The following NELL1 variants were observed in gnomAD, a reference collection of about 807,000 sequenced individuals.
The protein encoded by NELL1 is protein kinase C-binding protein NELL1.
NELL1 carries 76 observed loss-of-function variants against 107.4 expected under a neutral mutation model. The ratio of observed to expected loss-of-function variants is 0.71; its 90% CI spans 0.59 to 0.86. NELL1 has a LOEUF of 0.86. NELL1 is among the 40% of genes least tolerant of loss of function. The probability of loss-of-function intolerance (pLI) is 0.00; values close to 1 mark genes in which losing one functional copy is unlikely to be tolerated. For missense variants in NELL1, 1,024 were observed against 1,005.5 expected, an observed-to-expected ratio of 1.02 and a Z score of -0.25; for synonymous variants, 353 against 341.2, an observed-to-expected ratio of 1.03 and a Z score of -0.38.
chr11:21,564,980 A>G (rs529177217), intron 17 of NELL1, among the ~76,000 whole-genome samples: 24 of 152,052 alleles, frequency 1.6e-4, no homozygotes, highest in African/African-American at 5.5e-4. Flanking sequence ...AGCAGTCAGC[A>G]TACTGGTTCT....
In NELL1 at chr11:20,783,281, G is replaced by A. The variant is rs75163013; in HGVS notation, c.185-399G>A. Among the ~76,000 whole-genome samples the A allele has an allele frequency of 5.7e-3, 864 of 152,234 alleles. 9 individuals carry two copies. The highest frequency in any genetic ancestry group is 0.02 in the African/African-American group (818 of 41,542). ...TCTGAATTTAGGACCACATTTATCC[G>A]ACTACCTCTCACCTTATTTACAGCA... On this transcript the variant is annotated intron_variant, in intron 2 of 19. Transcript: ENST00000357134.
At chr11:21,077,228 C>T (rs1168699818) in intron 12 of NELL1, among the ~76,000 whole-genome samples, 1 of 151,978 alleles carries the variant, frequency 6.6e-6, no homozygotes, top group East Asian at 1.9e-4. Flanking sequence ...CAATATTATT[C>T]TAAAGACATA....
intron 9 of NELL1, among the ~76,000 whole-genome samples, chr11:20,934,997 C>T (rs2134181728): frequency 6.6e-6 from 1 of 152,178 alleles, no homozygotes; most frequent in Non-Finnish European, 1.5e-5. Context: ...GTATTGAATG[C>T]CAGAAATAAC....
At chr11:20,802,641 TTC>T (rs1483301831) in intron 3 of NELL1, among the ~76,000 whole-genome samples, 1 of 152,222 alleles carries the variant, frequency 6.6e-6, no homozygotes, top group African/African-American at 2.4e-5. Flanking sequence ...CCTTCTCATG[TTC>T]CAGATACTGG....
intron 4 of NELL1, among the ~76,000 whole-genome samples, chr11:20,861,540 C>G (rs1046271216): frequency 2.0e-5 from 3 of 152,152 alleles, no homozygotes; most frequent in Admixed American, 2.0e-4. Flanking sequence ...GCCAAGAGCC[C>G]CTGCCCTTGA....
Position 20,978,329 on chromosome 11 carries a change from C to A in NELL1, c.1300+17769C>A, listed in dbSNP as rs536648267. Among the ~76,000 whole-genome samples the A allele has an allele frequency of 1.4e-4, 21 of 152,146 alleles. No homozygotes were observed. The South Asian group carries it at 3.9e-3, about 29-fold the overall frequency. ...CGAAGCTAGGTATTACTATTATTCC[C>A]ATAAAACCAAAGATCCAAGAGAATT... On this transcript the variant is annotated intron_variant, in intron 12 of 19. Transcript: ENST00000357134.
At chr11:21,096,132 T>G (rs1590631483) in intron 12 of NELL1, among the ~76,000 whole-genome samples, 1 of 152,198 alleles carries the variant, frequency 6.6e-6, no homozygotes, top group African/African-American at 2.4e-5. Context: ...CAGTTGCCTT[T>G]GCCCACTACC....
At chr11:20,731,870 G>T (rs554120356) in intron 2 of NELL1, among the ~76,000 whole-genome samples, 40 of 152,308 alleles carry the variant, frequency 2.6e-4, no homozygotes, top group African/African-American at 9.4e-4. Flanking sequence ...GATACATGTG[G>T]TAAGGATGTG....
rs573561854 is a variant in NELL1, at chr11:20,787,003, G to A, written c.335+3173G>A. Among the ~76,000 whole-genome samples, 302 of 48,708 alleles carry A rather than the reference G, an allele frequency of 6.2e-3. 1 individual carries two copies. Among genetic ancestry groups the A allele is most frequent in the Non-Finnish European group, 6.5e-3 (214 of 32,980 alleles). 32.0% of individuals were successfully genotyped at this position (48,708 alleles called of 152,430 possible). Reference sequence around the variant, plus strand: ...AGCCTAGGCGAAAGAGCGAGACTCCGTCTCAAAAAAAAAAAAAAAAAAAAA... The same window carrying A: ...AGCCTAGGCGAAAGAGCGAGACTCCATCTCAAAAAAAAAAAAAAAAAAAAA... On this transcript the variant is annotated intron_variant, in intron 3 of 19. Coordinates refer to ENST00000357134, the MANE Select transcript of NELL1 (RefSeq NM_006157.5).
In NELL1 at chr11:21,560,252, C is replaced by T. The variant is rs780968403; in HGVS notation, c.1850C>T (p.Ala617Val). 1 of 1,613,690 alleles carries T rather than the reference C, an allele frequency of 6.2e-7. No homozygotes were observed. Among genetic ancestry groups the T allele is most frequent in the South Asian group, 1.1e-5 (1 of 91,076 alleles). ...AACGATTCTGCCTGCATCAACCTGGCAGGGGGCTTTGACTGTCTCTGCCCC... is the reference window on the plus strand; with the variant it reads ...AACGATTCTGCCTGCATCAACCTGGTAGGGGGCTTTGACTGTCTCTGCCCC... Reference protein sequence around the residue: ...CWNDSACINLAGGFDCLCPSG... With the variant: ...CWNDSACINLVGGFDCLCPSG... The change falls in exon 17 of 20, where the codon GCA becomes GTA. Residue 617 changes from alanine to valine, a missense_variant. Transcript: ENST00000357134.
chr11:21,420,794 T>G (rs774300450), intron 15 of NELL1, among the ~76,000 whole-genome samples: 2 of 152,124 alleles, frequency 1.3e-5, no homozygotes, highest in Non-Finnish European at 2.9e-5. Flanking sequence ...GAAGTGTAAG[T>G]GTAAGACAGT....
rs773549418 is a variant in NELL1 at position 20,960,427 on chromosome 11, TC to T, written c.1172-4del. On this transcript the variant is annotated splice_polypyrimidine_tract_variant and splice_region_variant and intron_variant, in intron 11 of 19. Coordinates refer to ENST00000357134, the MANE Select transcript of NELL1 (RefSeq NM_006157.5). ...CTGATGTACGTTTTTATTTGTTTTT[TC>T]TAGGTCATAACTTTTGTGCAGAAGG... The T allele has an allele frequency of 6.2e-7, 1 of 1,612,744 alleles. No individual in the cohort carries two copies. The highest frequency in any genetic ancestry group is 1.1e-5 in the South Asian group (1 of 90,860).
intron 4 of NELL1, among the ~76,000 whole-genome samples, chr11:20,871,576 C>T (rs1849198417): frequency 6.6e-6 from 1 of 152,004 alleles, no homozygotes; most frequent in African/African-American, 2.4e-5. Flanking sequence ...CTTTATAATG[C>T]TTTGCAAAAT....
At chr11:20,762,210 C>T (rs547166403) in intron 2 of NELL1, among the ~76,000 whole-genome samples, 4 of 152,262 alleles carry the variant, frequency 2.6e-5, no homozygotes, top group East Asian at 1.9e-4. Flanking sequence ...AAAGTAAACA[C>T]GGTTCAGGTG....
At chr11:20,887,578 G>A (rs1274554432) in intron 5 of NELL1, among the ~76,000 whole-genome samples, 4 of 152,142 alleles carry the variant, frequency 2.6e-5, no homozygotes, top group Non-Finnish European at 4.4e-5. Context: ...TTAAGGTAAA[G>A]CCAGTCCACT....
intron 15 of NELL1, among the ~76,000 whole-genome samples, chr11:21,504,708 C>T (rs1855236580): frequency 6.6e-6 from 1 of 152,098 alleles, no homozygotes; most frequent in Admixed American, 6.6e-5. Flanking sequence ...GTATACTACT[C>T]TATATTTGAT....
At chr11:21,506,281 A>G (rs1278008934) in intron 15 of NELL1, among the ~76,000 whole-genome samples, 1 of 152,196 alleles carries the variant, frequency 6.6e-6, no homozygotes, top group Non-Finnish European at 1.5e-5. Context: ...CCGCAGAGTC[A>G]CAGTTCAGCT....
chr11:21,021,818 A>C (rs1046317497), intron 12 of NELL1, among the ~76,000 whole-genome samples: 2 of 152,138 alleles, frequency 1.3e-5, no homozygotes, highest in Non-Finnish European at 2.9e-5. Context: ...ACCCTCAATT[A>C]AACTGTGAGA....
intron 12 of NELL1, among the ~76,000 whole-genome samples, chr11:20,978,557 A>C (rs544491967): frequency 6.6e-6 from 1 of 152,282 alleles, no homozygotes; most frequent in East Asian, 1.9e-4. Flanking sequence ...CTTAGATAGA[A>C]GACATTTGGG....
Sources: allele counts gnomAD v4.1 joint callset (sites outside exome capture counted in the v4.1 genomes callset), GRCh38; gene constraint gnomAD v4.1.1; transcripts MANE v1.5; gene names NCBI Gene and HGNC (gene_info 2026-07-23, HGNC 2026-07-21).